Variants in DHRSX observed in about 807,000 individuals in gnomAD.
The protein encoded by DHRSX is polyprenol dehydrogenase.
DHRSX carries 31 observed loss-of-function variants against 34.0 expected under a neutral mutation model. The observed-to-expected ratio is 0.91, with a 90% CI of 0.69 to 1.23. DHRSX has a LOEUF of 1.23. DHRSX is among the 50% of genes most tolerant of loss of function. DHRSX has a pLI of 0.00. For synonymous variants in DHRSX, 201 were observed against 183.8 expected (o/e 1.09, Z -0.76); for missense variants, 414 against 428.1 (o/e 0.97, Z 0.29).
At chrX:2,259,771 GTC>G (rs2041338131) in intron 5 of DHRSX, among the ~76,000 whole-genome samples, 1 of 152,026 alleles carries the variant, frequency 6.6e-6, no homozygotes, top group Non-Finnish European at 1.5e-5. Flanking sequence ...GATCACTCCA[GTC>G]TCTGCCTCCG....
rs2044359372 is a variant in DHRSX, at chrX:2,459,230, T to G, written c.110-33926A>C. On this transcript the variant is annotated intron_variant, in intron 1 of 6. Transcript: ENST00000334651. ...CATACCACACAGTGATTATAGTTAA[T>G]AATAATACATTGCATCTTTCAAAAT... is the stretch of plus-strand genomic sequence containing the variant. Among the ~76,000 whole-genome samples, 3 of 152,050 alleles carry G rather than the reference T, an allele frequency of 2.0e-5. No individual in the cohort carries two copies. The South Asian group carries it at 6.2e-4, about 32-fold the overall frequency.
chrX:2,354,021 T>C (rs1204839364), intron 3 of DHRSX, among the ~76,000 whole-genome samples: 2 of 152,064 alleles, frequency 1.3e-5, no homozygotes, highest in Non-Finnish European at 2.9e-5. Flanking sequence ...CTTTTCTACA[T>C]GACTCCAGCA....
At chrX:2,434,980 A>G (rs971554771) in intron 1 of DHRSX, among the ~76,000 whole-genome samples, 4 of 152,178 alleles carry the variant, frequency 2.6e-5, no homozygotes, top group Non-Finnish European at 5.9e-5. Flanking sequence ...ACTCTGTATG[A>G]CTCCATTTAT....
chrX:2,242,577 A>G (rs773990748), intron 6 of DHRSX, among the ~76,000 whole-genome samples: 2 of 151,912 alleles, frequency 1.3e-5, no homozygotes, highest in Admixed American at 1.3e-4. Context: ...GGTCATAAAA[A>G]CCTTGCTGAT....
chrX:2,470,919 T>C (rs1233078427), intron 1 of DHRSX, among the ~76,000 whole-genome samples: 1 of 63,182 alleles, frequency 1.6e-5, no homozygotes, highest in Admixed American at 1.4e-4. Flanking sequence ...ATTAGCTTGA[T>C]TGTTAATATG....
chrX:2,405,786 G>A (rs1240939866), intron 3 of DHRSX, among the ~76,000 whole-genome samples: 3 of 151,730 alleles, frequency 2.0e-5, no homozygotes, highest in African/African-American at 7.3e-5. Context: ...AACAGAGTGA[G>A]ACCCTGTATC....
chrX:2,493,022 G>T (rs2045194853), intron 1 of DHRSX, among the ~76,000 whole-genome samples: 1 of 152,332 alleles, frequency 6.6e-6, no homozygotes, highest in Admixed American at 6.5e-5. Context: ...GGGAGACGCC[G>T]CCACGTGCCA....
intron 3 of DHRSX, among the ~76,000 whole-genome samples, chrX:2,317,960 C>A (rs1368076469): frequency 6.6e-6 from 1 of 152,014 alleles, no homozygotes; most frequent in African/African-American, 2.4e-5. Flanking sequence ...GATTTTGGAG[C>A]CCACAAGAAA....
intron 3 of DHRSX, among the ~76,000 whole-genome samples, chrX:2,311,070 AAAAAAAG>A (rs984217766): frequency 1.3e-5 from 2 of 151,804 alleles, no homozygotes; most frequent in African/African-American, 4.8e-5. Flanking sequence ...TCAAAAAAAA[AAAAAAAG>A]AGAGACAGAA....
chrX:2,360,768 C>T (rs993540907), intron 3 of DHRSX, among the ~76,000 whole-genome samples: 10 of 151,874 alleles, frequency 6.6e-5, no homozygotes, highest in South Asian at 4.2e-4. Context: ...AGACACGGCC[C>T]GATGTGGGCA....
chrX:2,417,033 C>T (rs1395330355), intron 2 of DHRSX, among the ~76,000 whole-genome samples: 1 of 152,080 alleles, frequency 6.6e-6, no homozygotes, highest in Non-Finnish European at 1.5e-5. Flanking sequence ...CAAAGTCACA[C>T]AGGGGAAATA....
chrX:2,303,981 GTGGATGGATGGATGAATTGA>G (rs1432501404), intron 3 of DHRSX, among the ~76,000 whole-genome samples: 2 of 135,294 alleles, frequency 1.5e-5, no homozygotes, highest in East Asian at 5.2e-4. Flanking sequence ...GGATGGGTGA[GTGGATGGATGGATGAATTGA>G]TGGATGGACG....
At chrX:2,378,342 TC>T (rs1300853034) in intron 3 of DHRSX, among the ~76,000 whole-genome samples, 4 of 152,136 alleles carry the variant, frequency 2.6e-5, no homozygotes, top group Non-Finnish European at 5.9e-5. Flanking sequence ...ATATTGAGCC[TC>T]CCCTATGACA....
At chrX:2,402,730 A>G (rs2043501838) in intron 3 of DHRSX, among the ~76,000 whole-genome samples, 1 of 152,118 alleles carries the variant, frequency 6.6e-6, no homozygotes, top group South Asian at 2.1e-4. Context: ...GCATGCACAC[A>G]TAGTAGGTGT....
intron 5 of DHRSX, among the ~76,000 whole-genome samples, chrX:2,251,933 A>G (rs775527722): frequency 4.1e-4 from 62 of 152,254 alleles, no homozygotes; most frequent in Non-Finnish European, 7.8e-4. Flanking sequence ...GGCTGACTGC[A>G]TAATAAAGAG....
chrX:2,448,582 C>T (rs1215761492), intron 1 of DHRSX, among the ~76,000 whole-genome samples: 3 of 150,952 alleles, frequency 2.0e-5, no homozygotes, highest in Non-Finnish European at 4.4e-5. Flanking sequence ...TGTTTATTAG[C>T]TTGATTATTA....
At chrX:2,361,815 G>T (rs1264628471) in intron 3 of DHRSX, among the ~76,000 whole-genome samples, 4 of 152,172 alleles carry the variant, frequency 2.6e-5, no homozygotes, top group Non-Finnish European at 5.9e-5. Flanking sequence ...TACTTTTAAT[G>T]GAATAGGCAG....
At chrX:2,242,682 C>T (rs1298423381) in intron 6 of DHRSX, among the ~76,000 whole-genome samples, 1 of 152,112 alleles carries the variant, frequency 6.6e-6, no homozygotes, top group Non-Finnish European at 1.5e-5. Context: ...ACATTCCCAC[C>T]AGCGCCAGGA....
intron 4 of DHRSX, among the ~76,000 whole-genome samples, chrX:2,284,883 TTGCA>T (rs1248566725): frequency 1.3e-5 from 2 of 152,226 alleles, no homozygotes; most frequent in Non-Finnish European, 2.9e-5. Flanking sequence ...TATTTAATGT[TTGCA>T]AAACCTTGAT....
Sources: gnomAD v4.1 joint callset for allele counts (sites outside exome capture counted in the v4.1 genomes callset) on GRCh38, gnomAD v4.1.1 for gene constraint, MANE v1.5 for transcripts, NCBI Gene and HGNC (gene_info 2026-07-23, HGNC 2026-07-21) for gene names.